The following G3BP2 variants were observed in gnomAD, a reference collection of about 807,000 sequenced individuals.
G3BP2 encodes ras GTPase-activating protein-binding protein 2.
In G3BP2, 11 loss-of-function variants were observed where a neutral mutation model predicts 56.7. That is an observed-to-expected ratio of 0.19 (90% CI 0.12 to 0.32). The LOEUF (loss-of-function observed/expected upper bound fraction) is 0.32, where lower values mean the gene tolerates loss of function less well. Ranked by LOEUF, G3BP2 falls within the 10% of genes least tolerant of loss-of-function variation. The pLI, the probability that G3BP2 is intolerant of heterozygous loss-of-function variation, is 1.00. For synonymous variants in G3BP2, 165 were observed against 191.6 expected (o/e 0.86, Z 1.15); for missense variants, 340 against 610.9 (o/e 0.56, Z 4.67).
intron 3 of G3BP2, among the ~76,000 whole-genome samples, chr4:75,712,819 A>C (rs918071309): frequency 1.3e-5 from 2 of 152,146 alleles, no homozygotes; most frequent in Non-Finnish European, 2.9e-5. Context: ...AGACCATTCC[A>C]TAAAGAGTTC....
At chr4:75,723,712 A>G (rs1212308052) in intron 1 of G3BP2, among the ~76,000 whole-genome samples, 2 of 152,102 alleles carry the variant, frequency 1.3e-5, no homozygotes, top group East Asian at 3.8e-4. Flanking sequence ...GACGAGTTCA[A>G]TTTTAAATGC....
intron 3 of G3BP2, among the ~76,000 whole-genome samples, chr4:75,696,864 C>T (rs1178286534): frequency 6.6e-6 from 1 of 152,180 alleles, no homozygotes; most frequent in Non-Finnish European, 1.5e-5. Flanking sequence ...ACTTTCCGCA[C>T]AGTAGATGCC....
intron 1 of G3BP2, among the ~76,000 whole-genome samples, chr4:75,669,686 C>A (rs192776848): frequency 6.6e-6 from 1 of 152,342 alleles, no homozygotes; most frequent in South Asian, 2.1e-4. Flanking sequence ...TCACTCTCTG[C>A]GCCTTTGTCT....
intron 3 of G3BP2, among the ~76,000 whole-genome samples, chr4:75,719,417 G>C (rs1350942212): frequency 6.6e-6 from 1 of 150,668 alleles, no homozygotes; most frequent in Admixed American, 6.6e-5. Flanking sequence ...AATCATTATT[G>C]AGTACTTACT....
chr4:75,654,830 A>G (rs1375050677), intron 7 of G3BP2: 1 of 479,278 alleles, frequency 2.1e-6, no homozygotes, highest in African/African-American at 2.0e-5. Flanking sequence ...AAGTTACTAA[A>G]CAATGCATAC....
At chr4:75,672,557 G>A (rs1453835135) in intron 1 of G3BP2, 1 of 152,302 alleles carries the variant, frequency 6.6e-6, no homozygotes, top group African/African-American at 2.4e-5. Flanking sequence ...CAGGGAGAGG[G>A]GGGTTGGTCA....
chr4:75,666,696 A>C (rs1733065126), intron 1 of G3BP2, among the ~76,000 whole-genome samples: 1 of 152,242 alleles, frequency 6.6e-6, no homozygotes, highest in Non-Finnish European at 1.5e-5. Flanking sequence ...GTTGAGAAAA[A>C]GGAAAAAAGC....
At chr4:75,646,007 C>T (rs1731185343) in intron 11 of G3BP2, among the ~76,000 whole-genome samples, 1 of 152,094 alleles carries the variant, frequency 6.6e-6, no homozygotes, top group Admixed American at 6.5e-5. Flanking sequence ...CAATGTCTCA[C>T]TGTTGCCCAG....
intron 1 of G3BP2, among the ~76,000 whole-genome samples, chr4:75,671,267 T>C (rs982574086): frequency 3.3e-5 from 5 of 152,234 alleles, no homozygotes; most frequent in Non-Finnish European, 5.9e-5. Flanking sequence ...AGTCATTCAC[T>C]GTCTCCATAT....
intron 3 of G3BP2, among the ~76,000 whole-genome samples, chr4:75,689,435 C>T (rs60225400): frequency 0.17 from 25,440 of 151,772 alleles, 2,205 homozygotes; most frequent in South Asian, 0.35. Flanking sequence ...CCAAGAAGAC[C>T]CAGATAAGTA....
In G3BP2 at chr4:75,644,563, A is replaced by G. The variant is rs1731080352; in HGVS notation, c.*867T>C. ...CATCATGCTTATTACATTACCAGAG[A>G]ACAAAAATACAGTAAAGACAATTTT... On this transcript the variant is annotated 3_prime_UTR_variant, in exon 12 of 12. Coordinates refer to ENST00000359707, the MANE Select transcript of G3BP2 (RefSeq NM_203505.3). 1 of 152,628 alleles carries G rather than the reference A, an allele frequency of 6.6e-6. No homozygotes were observed. The highest frequency in any genetic ancestry group is 1.5e-5 in the Non-Finnish European group (1 of 68,060). The allele number at this position is 152,628 out of a possible 1,614,324, so 9.5% of individuals were successfully genotyped here.
chr4:75,655,062 T>C lies in G3BP2; in HGVS notation c.726+4A>G. 1 of 1,602,482 alleles carries C rather than the reference T, an allele frequency of 6.2e-7. No homozygotes were observed. The highest frequency in any genetic ancestry group is 8.5e-7 in the Non-Finnish European group (1 of 1,174,406). ...TGTAAGTCTAAAGAGTTCTTTGATC[T>C]AACCTTTGGTGGTTCTTGTGGCAGA... On this transcript the variant is annotated splice_donor_region_variant and intron_variant, in intron 7 of 11. Coordinates refer to ENST00000359707, the MANE Select transcript of G3BP2 (RefSeq NM_203505.3).
chr4:75,674,433 G>T (rs1354797953), upstream of G3BP2, among the ~76,000 whole-genome samples: 2 of 151,942 alleles, frequency 1.3e-5, no homozygotes, highest in Non-Finnish European at 2.9e-5. Flanking sequence ...CTTAAATATT[G>T]GCAGAGGCAA....
chr4:75,715,370 C>A (rs1577904196), intron 3 of G3BP2, among the ~76,000 whole-genome samples: 1 of 152,278 alleles, frequency 6.6e-6, no homozygotes, highest in East Asian at 1.9e-4. Context: ...CAATTTCATT[C>A]AGTTTCTTGG....
intron 8 of G3BP2, among the ~76,000 whole-genome samples, chr4:75,652,348 C>T (rs372679739): frequency 1.4e-4 from 21 of 152,250 alleles, no homozygotes; most frequent in South Asian, 8.3e-4. Flanking sequence ...TGAGGCTGGG[C>T]GCAGTGGCTC....
intron 3 of G3BP2, among the ~76,000 whole-genome samples, chr4:75,702,020 C>T (rs1719364428): frequency 6.6e-6 from 1 of 152,092 alleles, no homozygotes; most frequent in Non-Finnish European, 1.5e-5. Flanking sequence ...GCTCTTATCA[C>T]AGAAGATGAG....
At chr4:75,667,290 A>T (rs1394607702) in intron 1 of G3BP2, among the ~76,000 whole-genome samples, 4 of 57,862 alleles carry the variant, frequency 6.9e-5, no homozygotes, top group African/African-American at 3.1e-4. Flanking sequence ...ACACTGTTTA[A>T]AAAAAAAAAA....
intron 5 of G3BP2, among the ~76,000 whole-genome samples, chr4:75,656,154 C>A (rs767361925): frequency 2.0e-5 from 3 of 151,650 alleles, no homozygotes; most frequent in South Asian, 2.1e-4. Context: ...TCATGCCCAG[C>A]TAATTTTTTT....
chr4:75,708,641 C>T (rs555651428), intron 3 of G3BP2, among the ~76,000 whole-genome samples: 3 of 152,186 alleles, frequency 2.0e-5, no homozygotes, highest in South Asian at 4.2e-4. Context: ...TAATATGGTC[C>T]GGTTGAACCT....
Sources: gnomAD v4.1 joint callset for allele counts (sites outside exome capture counted in the v4.1 genomes callset) on GRCh38, gnomAD v4.1.1 for gene constraint, MANE v1.5 for transcripts, NCBI Gene and HGNC (gene_info 2026-07-23, HGNC 2026-07-21) for gene names.